Variants in ROBO2 observed in about 807,000 individuals in gnomAD.
ROBO2 encodes the protein roundabout homolog 2.
ROBO2 carries 53 observed loss-of-function variants against 160.8 expected under a neutral mutation model. The ratio of observed to expected loss-of-function variants is 0.33; its 90% CI spans 0.26 to 0.41. ROBO2 has a LOEUF of 0.41. Ranked by LOEUF, ROBO2 falls within the 10% of genes least tolerant of loss-of-function variation. The probability of loss-of-function intolerance (pLI) is 1.00; values close to 1 mark genes in which losing one functional copy is unlikely to be tolerated. For missense variants in ROBO2, 1,577 were observed against 1,722.4 expected (o/e 0.92, Z 1.49); for synonymous variants, 664 against 611.7 (o/e 1.09, Z -1.26).
At chr3:76,329,815 C>T (rs1559774355) in intron 2 of ROBO2, among the ~76,000 whole-genome samples, 1 of 152,172 alleles carries the variant, frequency 6.6e-6, no homozygotes, top group Non-Finnish European at 1.5e-5. Flanking sequence ...ACTTTGGAGA[C>T]ATTCTTTCAG....
In ROBO2 at chr3:76,562,890, T is replaced by G. The variant is rs185390955; in HGVS notation, c.110-535124T>G. On this transcript the variant is annotated intron_variant, in intron 2 of 26. Transcript: ENST00000487694. ...TTGCTCTGTGAGCAGCTTTCTCTTG[T>G]GCTCTCTCCCTTCCTTCCTTCCTTC... is the stretch of plus-strand genomic sequence containing the variant. 1.2e-3 allele frequency among the ~76,000 whole-genome samples: 185 copies of G among 152,268 alleles called. 4 individuals carry two copies. The highest frequency in any genetic ancestry group is 0.012 in the Admixed American group (178 of 15,282).
intron 22 of ROBO2, among the ~76,000 whole-genome samples, chr3:77,620,236 T>C (rs1255338807): frequency 1.3e-5 from 2 of 152,122 alleles, no homozygotes; most frequent in Admixed American, 6.5e-5. Context: ...CACATCAACA[T>C]CATAGGACTG....
At chr3:77,348,002 C>T (rs986125502) in intron 2 of ROBO2, among the ~76,000 whole-genome samples, 4 of 152,090 alleles carry the variant, frequency 2.6e-5, no homozygotes, top group African/African-American at 9.7e-5. Flanking sequence ...GCTCCACCCA[C>T]ACTTTTCTGC....
At chr3:77,112,488 C>T (rs1025514066) in intron 2 of ROBO2, among the ~76,000 whole-genome samples, 3 of 152,010 alleles carry the variant, frequency 2.0e-5, no homozygotes, top group African/African-American at 7.2e-5. Flanking sequence ...GGCTGATGCG[C>T]CCGCCTCGGC....
intron 2 of ROBO2, among the ~76,000 whole-genome samples, chr3:76,824,002 G>C (rs2066350364): frequency 6.6e-6 from 1 of 152,134 alleles, no homozygotes; most frequent in South Asian, 2.1e-4. Flanking sequence ...ATCCTGGTTT[G>C]TATGGCAGCT....
At chr3:76,724,638 A>G (rs1333357412) in intron 2 of ROBO2, among the ~76,000 whole-genome samples, 1 of 152,162 alleles carries the variant, frequency 6.6e-6, no homozygotes, top group Non-Finnish European at 1.5e-5. Context: ...TTTGTTTACC[A>G]AATACATCCT....
intron 2 of ROBO2, among the ~76,000 whole-genome samples, chr3:77,461,387 G>A (rs1337996335): frequency 6.6e-6 from 1 of 151,812 alleles, no homozygotes; most frequent in African/African-American, 2.4e-5. Context: ...GAATTTACTG[G>A]TATTGAGAAA....
At chr3:76,979,745 A>ACG (rs2060001278) in intron 2 of ROBO2, among the ~76,000 whole-genome samples, 1 of 82,806 alleles carries the variant, frequency 1.2e-5, no homozygotes, top group Admixed American at 1.4e-4. Flanking sequence ...TACTTTTCTT[A>ACG]CACACACACA....
At chr3:76,075,181 C>G (rs747240219) in intron 2 of ROBO2, among the ~76,000 whole-genome samples, 3 of 151,842 alleles carry the variant, frequency 2.0e-5, no homozygotes, top group Non-Finnish European at 4.4e-5. Context: ...GTCACCCATG[C>G]TTTCTGTGCC....
chr3:76,487,716 C>G (rs1039890702), intron 2 of ROBO2, among the ~76,000 whole-genome samples: 10 of 152,108 alleles, frequency 6.6e-5, no homozygotes, highest in Middle Eastern at 3.4e-3. Flanking sequence ...AGAGACTCAT[C>G]AGATCTCCAC....
At chr3:76,388,508 C>T (rs1170482700) in intron 2 of ROBO2, among the ~76,000 whole-genome samples, 1 of 151,948 alleles carries the variant, frequency 6.6e-6, no homozygotes, top group East Asian at 1.9e-4. Context: ...CCTGACCTCG[C>T]GATCCGCCCA....
At chr3:76,868,783 CA>C (rs139597082) in intron 2 of ROBO2, among the ~76,000 whole-genome samples, 10 of 149,866 alleles carry the variant, frequency 6.7e-5, no homozygotes, top group African/African-American at 2.4e-4. Flanking sequence ...AATAGGAACT[CA>C]AAAAAAAAGC....
intron 2 of ROBO2, among the ~76,000 whole-genome samples, chr3:76,548,477 C>T (rs2083238767): frequency 6.6e-6 from 1 of 152,032 alleles, no homozygotes; most frequent in African/African-American, 2.4e-5. Context: ...GAAGAACAGA[C>T]ATGACAAATG....
At chr3:76,223,705 C>A (rs1006237620) in intron 2 of ROBO2, among the ~76,000 whole-genome samples, 2 of 152,034 alleles carry the variant, frequency 1.3e-5, no homozygotes, top group African/African-American at 4.8e-5. Context: ...TCAGCCCTTC[C>A]GCTACAGGAG....
intron 2 of ROBO2, among the ~76,000 whole-genome samples, chr3:76,180,576 G>T (rs776296180): frequency 6.6e-6 from 1 of 151,906 alleles, no homozygotes; most frequent in South Asian, 2.1e-4. Flanking sequence ...CAAATCCAAC[G>T]GCAAGTCCTG....
At chr3:76,151,526 G>A (rs1387759548) in intron 2 of ROBO2, among the ~76,000 whole-genome samples, 2 of 152,034 alleles carry the variant, frequency 1.3e-5, no homozygotes, top group Non-Finnish European at 2.9e-5. Context: ...CTGCTGGCTG[G>A]GGCTCCTAAA....
chr3:77,637,105 A>C (rs2095276513), intron 24 of ROBO2, among the ~76,000 whole-genome samples: 1 of 152,226 alleles, frequency 6.6e-6, no homozygotes, highest in African/African-American at 2.4e-5. Context: ...CCATCTGGAA[A>C]GCTCTTAAAA....
chr3:77,635,399 A>G (rs1312724122), intron 24 of ROBO2, among the ~76,000 whole-genome samples: 2 of 152,174 alleles, frequency 1.3e-5, no homozygotes, highest in Admixed American at 1.3e-4. Context: ...TTAAATTACA[A>G]TATCTTAGCT....
chr3:77,449,926 C>T (rs2080952234), intron 2 of ROBO2, among the ~76,000 whole-genome samples: 1 of 151,546 alleles, frequency 6.6e-6, no homozygotes, highest in Non-Finnish European at 1.5e-5. Flanking sequence ...TTTAACTGAC[C>T]ACAGAGTAAA....
Sources: gnomAD v4.1 joint callset for allele counts (sites outside exome capture counted in the v4.1 genomes callset) on GRCh38, gnomAD v4.1.1 for gene constraint, MANE v1.5 for transcripts, NCBI Gene and HGNC (gene_info 2026-07-23, HGNC 2026-07-21) for gene names.